DLG5: variants seen among roughly 807,000 people sequenced by gnomAD.
The protein encoded by DLG5 is disks large homolog 5.
A neutral mutation model predicts 189.8 loss-of-function variants in DLG5; 48 were observed. The ratio of observed to expected loss-of-function variants is 0.25; its 90% CI spans 0.20 to 0.32. DLG5 has a LOEUF of 0.32. DLG5 is among the 10% of genes least tolerant of loss of function. The pLI is 1.00. For missense variants in DLG5, 2,160 were observed against 2,544.7 expected, an observed-to-expected ratio of 0.85 and a Z score of 3.25; for synonymous variants, 1,016 against 1,054.1, an observed-to-expected ratio of 0.96 and a Z score of 0.70.
intron 17 of DLG5, among the ~76,000 whole-genome samples, chr10:77,818,534 A>C (rs1268514): frequency 0.73 from 110,649 of 152,146 alleles, 40,882 homozygotes; most frequent in African/African-American, 0.86. Context: ...TGCCCCTTTG[A>C]CAAGCTCCCA....
At chr10:77,817,644 A>G in intron 18 of DLG5, 133 bp downstream of exon 18, 1 of 734,974 alleles carries the variant, frequency 1.4e-6, no homozygotes, top group Non-Finnish European at 2.2e-6. Context: ...TTCCCAGTAG[A>G]GAAATGAGCT....
At chr10:77,906,361 G>A (rs1293459884) in intron 1 of DLG5, among the ~76,000 whole-genome samples, 1 of 152,212 alleles carries the variant, frequency 6.6e-6, no homozygotes, top group African/African-American at 2.4e-5. Flanking sequence ...TACCAAACCT[G>A]ACTGAACCGT....
At chr10:77,908,301 C>T (rs1206149871) in intron 1 of DLG5, among the ~76,000 whole-genome samples, 1 of 152,198 alleles carries the variant, frequency 6.6e-6, no homozygotes, top group Non-Finnish European at 1.5e-5. Flanking sequence ...GCCAGTCAGA[C>T]ACCTCAGGGG....
At chr10:77,835,327 G>A (rs1047003795) in intron 8 of DLG5, among the ~76,000 whole-genome samples, 11 of 152,094 alleles carry the variant, frequency 7.2e-5, no homozygotes, top group Admixed American at 2.0e-4. Context: ...CCTCACTGCC[G>A]TGCCTGACCA....
intron 1 of DLG5, 23 bp from the exon 2 acceptor site, chr10:77,869,220 GT>G: frequency 1.9e-6 from 3 of 1,611,372 alleles, no homozygotes; most frequent in Non-Finnish European, 2.5e-6. Flanking sequence ...GGGAGACCAT[GT>G]TACTAACCCC....
chr10:77,867,215 C>A, intron 2 of DLG5: 1 of 399,216 alleles, frequency 2.5e-6, no homozygotes, highest in Non-Finnish European at 5.0e-6. Context: ...GGAATTCCAC[C>A]ATCAGCAGTA....
intron 24 of DLG5, among the ~76,000 whole-genome samples, chr10:77,808,476 T>G (rs768672248): frequency 6.6e-6 from 1 of 152,216 alleles, no homozygotes; most frequent in Non-Finnish European, 1.5e-5. Context: ...CTCACTATGT[T>G]GCCCAGGCCG....
the DLG5 span, among the ~76,000 whole-genome samples, chr10:77,936,441 CAAAACAAAAAAAA>C: frequency 1.8e-4 from 16 of 87,866 alleles, no homozygotes; most frequent in Admixed American, 6.1e-4. Flanking sequence ...CGTCTCAAAA[CAAAACAAAAAAAA>C]AAAAAAAAAA....
In DLG5 at chr10:77,869,325, A is replaced by G. The variant is rs1368168678; in HGVS notation, c.305-128T>C. 24 of 872,006 alleles carry G rather than the reference A, an allele frequency of 2.8e-5. No homozygotes were observed. In the East Asian group the frequency reaches 5.3e-4, roughly 19 times the overall value. 54.0% of individuals were successfully genotyped at this position (872,006 alleles called of 1,614,324 possible). On this transcript the variant is annotated intron_variant, in intron 1 of 31. Coordinates refer to ENST00000372391, the MANE Select transcript of DLG5 (RefSeq NM_004747.4). ...CACCAGGCACTAGAAATCCACATCC[A>G]CGGGCCAAGCAGAGGAGGCGCGCTC...
At chr10:77,824,255 C>G (rs1842505458) in intron 14 of DLG5, 129 bp downstream of exon 14, 10 of 678,566 alleles carry the variant, frequency 1.5e-5, no homozygotes, top group Non-Finnish European at 2.5e-5. Flanking sequence ...GTTCCTGCCC[C>G]CTCTGCACTC....
At chr10:77,810,178 A>G (rs1841688952) in intron 23 of DLG5, among the ~76,000 whole-genome samples, 1 of 152,240 alleles carries the variant, frequency 6.6e-6, no homozygotes, top group Non-Finnish European at 1.5e-5. Context: ...ACTTGTGAAG[A>G]GGGGCCCCTT....
rs753852654 is a variant in DLG5, at chr10:77,856,859, A to C, written c.407T>G (p.Leu136Arg). The C allele has an allele frequency of 1.9e-6, 3 of 1,612,252 alleles. No individual in the cohort carries two copies. Among genetic ancestry groups the C allele is most frequent in the Admixed American group, 3.3e-5 (2 of 60,004 alleles). Residue 136 changes from leucine to arginine, a missense_variant, in exon 3 of 32, where the codon CTC (leucine) becomes CGC (arginine). Transcript: ENST00000372391. ...CTCATTCACTTGCTGGTCAGTGAGGAGGGGTGGTGGGGACGGCGCCTTCCC... is the reference window on the plus strand; with the variant it reads ...CTCATTCACTTGCTGGTCAGTGAGGCGGGGTGGTGGGGACGGCGCCTTCCC... ...TTGKAPSPPP[L>R]LTDQQVNEKV...
At chr10:77,845,934 T>TAAAAAA (rs1209911526) in intron 5 of DLG5, among the ~76,000 whole-genome samples, 6 of 97,514 alleles carry the variant, frequency 6.2e-5, no homozygotes, top group South Asian at 3.8e-4. Flanking sequence ...AATCTTTCTT[T>TAAAAAA]AAAAAAAAAA....
At chr10:77,935,879 G>A in the DLG5 span, among the ~76,000 whole-genome samples, 1 of 152,230 alleles carries the variant, frequency 6.6e-6, no homozygotes, top group African/African-American at 2.4e-5. Flanking sequence ...CATCCGAGAT[G>A]CAACATTTAA....
At chr10:77,841,046 G>GA (rs1476683058) in intron 7 of DLG5, among the ~76,000 whole-genome samples, 1 of 152,214 alleles carries the variant, frequency 6.6e-6, no homozygotes, top group African/African-American at 2.4e-5. Flanking sequence ...CAGAAAGGCA[G>GA]AATAGAGGGA....
intron 2 of DLG5, chr10:77,868,262 C>T (rs563033271): frequency 5.1e-5 from 19 of 373,068 alleles, no homozygotes; most frequent in African/African-American, 3.8e-4. Flanking sequence ...CCTTCCCTTA[C>T]TGCAGCTACT....
rs781285494 is a variant in DLG5, at chr10:77,926,372, C to T, written c.149G>A (p.Gly50Asp). ...CTTGAGCAGCAGCTCCGCCTTGGCG[C>T]CTCCCGCCTCCTCGTCCAGCTGCCG... ...ERRQLDEEAG[G>D]AKAELLLKLL... is the part of the protein sequence containing the mutation. The change falls in exon 1 of 32, where the codon GGC becomes GAC. Residue 50 changes from glycine (G) to aspartate (D), a missense_variant. Gly to Asp is a moderately conservative substitution (Grantham distance 94, BLOSUM62 -1). Transcript: ENST00000372391. The surrounding 1 kb of genome is among the most constrained non-coding windows in gnomAD (Gnocchi z 5.2). The T allele has an allele frequency of 1.3e-5, 21 of 1,596,824 alleles. No individual in the cohort carries two copies. The South Asian group carries it at 2.4e-4, about 18-fold the overall frequency.
intron 1 of DLG5, among the ~76,000 whole-genome samples, chr10:77,919,731 G>C (rs1846479646): frequency 6.6e-6 from 1 of 151,812 alleles, no homozygotes; most frequent in African/African-American, 2.4e-5. Context: ...GCTCCTGGCA[G>C]CCAGCTCCAC....
At chr10:77,826,350 TG>T (rs1162608388) in intron 13 of DLG5, among the ~76,000 whole-genome samples, 1 of 152,162 alleles carries the variant, frequency 6.6e-6, no homozygotes, top group Non-Finnish European at 1.5e-5. Context: ...GAATGTGGGC[TG>T]GGCATGGTGG....
Sources: allele counts gnomAD v4.1 joint callset (sites outside exome capture counted in the v4.1 genomes callset), GRCh38; gene constraint gnomAD v4.1.1; non-coding constraint Gnocchi (gnomAD v3.1); transcripts MANE v1.5; gene names NCBI Gene and HGNC (gene_info 2026-07-23, HGNC 2026-07-21).